CAMTA1: variants seen among roughly 807,000 people sequenced by gnomAD.
The protein encoded by CAMTA1 is calmodulin-binding transcription activator 1.
CAMTA1 carries 27 observed loss-of-function variants against 170.9 expected under a neutral mutation model. The observed-to-expected ratio is 0.16, with a 90% confidence interval of 0.12 to 0.22. The LOEUF is 0.22. Ranked by LOEUF, CAMTA1 falls within the 10% of genes least tolerant of loss-of-function variation. The pLI is 1.00. For missense variants in CAMTA1, 1,619 were observed against 2,217.2 expected, an observed-to-expected ratio of 0.73 and a Z score of 5.42; for synonymous variants, 833 against 891.5, an observed-to-expected ratio of 0.93 and a Z score of 1.17.
intron 3 of CAMTA1, among the ~76,000 whole-genome samples, chr1:6,992,287 G>A (rs889843535): frequency 2.6e-5 from 4 of 150,954 alleles, no homozygotes; most frequent in Non-Finnish European, 4.4e-5. Context: ...GCCTAGGCTC[G>A]ACTTGAACTC....
chr1:6,869,557 T>A (rs1667786708), intron 3 of CAMTA1, among the ~76,000 whole-genome samples: 1 of 152,208 alleles, frequency 6.6e-6, no homozygotes, highest in Non-Finnish European at 1.5e-5. Context: ...TTTTACTTAT[T>A]AAATTATATT....
chr1:7,196,916 G>T (rs1250749297), intron 4 of CAMTA1, among the ~76,000 whole-genome samples: 1 of 152,136 alleles, frequency 6.6e-6, no homozygotes, highest in East Asian at 1.9e-4. Context: ...TAATTGCTTG[G>T]TTCCTTGCAA....
intron 3 of CAMTA1, among the ~76,000 whole-genome samples, chr1:6,936,575 G>A (rs1237066721): frequency 2.0e-5 from 3 of 152,166 alleles, no homozygotes; most frequent in Admixed American, 2.0e-4. Flanking sequence ...GATTGTATCT[G>A]CTGAGCCTGC....
chr1:6,859,423 A>G (rs141149287), intron 3 of CAMTA1, among the ~76,000 whole-genome samples: 1 of 152,342 alleles, frequency 6.6e-6, no homozygotes, highest in Non-Finnish European at 1.5e-5. Flanking sequence ...TAAGTGATGC[A>G]CTTAACATCT....
At chr1:7,442,705 G>A (rs1428227068) in intron 5 of CAMTA1, among the ~76,000 whole-genome samples, 3 of 152,152 alleles carry the variant, frequency 2.0e-5, no homozygotes, top group South Asian at 2.1e-4. Flanking sequence ...GGCAAAATGC[G>A]GATGCTGATA....
chr1:7,108,647 G>A (rs1290252295), intron 4 of CAMTA1, among the ~76,000 whole-genome samples: 2 of 152,348 alleles, frequency 1.3e-5, no homozygotes, highest in East Asian at 3.9e-4. Flanking sequence ...GGAGATGGTG[G>A]TTAAGAGAGT....
chr1:7,107,080 T>C (rs1366369818), intron 4 of CAMTA1, among the ~76,000 whole-genome samples: 1 of 152,020 alleles, frequency 6.6e-6, no homozygotes, highest in East Asian at 1.9e-4. Flanking sequence ...TGTCTAGCGT[T>C]AGTCAACAAG....
At chr1:7,244,157 C>T (rs907064904) in intron 4 of CAMTA1, among the ~76,000 whole-genome samples, 4 of 152,106 alleles carry the variant, frequency 2.6e-5, no homozygotes, top group Admixed American at 2.6e-4. Context: ...TCATCACTGG[C>T]CATCAGAGAA....
chr1:7,101,882 C>T (rs1642755641), intron 4 of CAMTA1, among the ~76,000 whole-genome samples: 1 of 152,218 alleles, frequency 6.6e-6, no homozygotes, highest in Admixed American at 6.5e-5. Flanking sequence ...AGACACGGAG[C>T]ATATACATGC....
intron 5 of CAMTA1, among the ~76,000 whole-genome samples, chr1:7,449,712 G>A (rs939837631): frequency 6.8e-6 from 1 of 147,104 alleles, no homozygotes; most frequent in Non-Finnish European, 1.5e-5. Flanking sequence ...GGAGGTTGCA[G>A]TGAGCCGAAA....
intron 11 of CAMTA1, among the ~76,000 whole-genome samples, chr1:7,711,173 G>A (rs115806068): frequency 0.015 from 2,345 of 152,268 alleles, 56 homozygotes; most frequent in African/African-American, 0.053. Flanking sequence ...ACTTCTTGCT[G>A]TATCCTTACA....
chr1:7,374,208 G>A (rs1242527824), intron 5 of CAMTA1, among the ~76,000 whole-genome samples: 6 of 152,228 alleles, frequency 3.9e-5, no homozygotes, highest in Admixed American at 2.0e-4. Context: ...TCCTTTCTAC[G>A]TGGAGGTGAA....
intron 4 of CAMTA1, among the ~76,000 whole-genome samples, chr1:7,222,329 G>C (rs1440133067): frequency 2.0e-5 from 3 of 152,142 alleles, no homozygotes; most frequent in Admixed American, 6.5e-5. Context: ...GAGGACCTGC[G>C]TCTTCTGTCT....
chr1:7,372,045 C>T (rs1425600022), intron 5 of CAMTA1, among the ~76,000 whole-genome samples: 1 of 152,226 alleles, frequency 6.6e-6, no homozygotes, highest in African/African-American at 2.4e-5. Context: ...TGTTGCACCC[C>T]TGCCCCACCC....
intron 5 of CAMTA1, among the ~76,000 whole-genome samples, chr1:7,309,386 G>A (rs1169851054): frequency 1.6e-5 from 2 of 127,886 alleles, no homozygotes; most frequent in African/African-American, 5.8e-5. Flanking sequence ...TGCAACTTCC[G>A]CCTCCTGGGT....
intron 3 of CAMTA1, among the ~76,000 whole-genome samples, chr1:6,963,574 A>T (rs1006346805): frequency 1.3e-5 from 2 of 152,138 alleles, no homozygotes; most frequent in African/African-American, 4.8e-5. Flanking sequence ...CCGCTGACGG[A>T]GAACATGACC....
At chr1:7,397,828 A>T (rs1349812739) in intron 5 of CAMTA1, among the ~76,000 whole-genome samples, 2 of 151,936 alleles carry the variant, frequency 1.3e-5, no homozygotes, top group African/African-American at 4.8e-5. Context: ...TTATTCCATT[A>T]TGATCAGAAA....
At chr1:7,467,361 G>A (rs1394156364) in intron 5 of CAMTA1, among the ~76,000 whole-genome samples, 6 of 152,176 alleles carry the variant, frequency 3.9e-5, no homozygotes, top group Non-Finnish European at 7.3e-5. Context: ...GGTTGGGCTC[G>A]TACCGGCCAG....
chr1:7,503,786 C>G (rs2094050708), intron 6 of CAMTA1, among the ~76,000 whole-genome samples: 1 of 152,210 alleles, frequency 6.6e-6, no homozygotes, highest in South Asian at 2.1e-4. Flanking sequence ...TGCCCACCCA[C>G]AGTGATGCCC....
Sources: gnomAD v4.1 joint callset for allele counts (sites outside exome capture counted in the v4.1 genomes callset) on GRCh38, gnomAD v4.1.1 for gene constraint, MANE v1.5 for transcripts, NCBI Gene and HGNC (gene_info 2026-07-23, HGNC 2026-07-21) for gene names.